Variants in MED1 observed in about 807,000 individuals in gnomAD.
The protein encoded by MED1 is mediator complex subunit 1.
In MED1, 17 loss-of-function variants were observed where a neutral mutation model predicts 121.3. The ratio of observed to expected loss-of-function variants is 0.14; its 90% CI spans 0.10 to 0.21. MED1 has a LOEUF of 0.21. Ranked by LOEUF, MED1 falls within the 10% of genes least tolerant of loss-of-function variation. The probability of loss-of-function intolerance (pLI) is 1.00; values close to 1 mark genes in which losing one functional copy is unlikely to be tolerated. For synonymous variants in MED1, 661 were observed against 694.4 expected, an observed-to-expected ratio of 0.95 and a Z score of 0.76; for missense variants, 1,558 against 1,919.4, an observed-to-expected ratio of 0.81 and a Z score of 3.52.
chr17:39,438,194 T>C (rs2048637994), intron 6 of MED1, among the ~76,000 whole-genome samples: 3 of 150,632 alleles, frequency 2.0e-5, no homozygotes, highest in Non-Finnish European at 4.4e-5. Flanking sequence ...TTTTCTGAGA[T>C]GGAGTCTTGC....
Position 39,407,633 on chromosome 17 carries a change from G to T in MED1, c.4588C>A (p.Pro1530Thr). 1 of 1,614,058 alleles carries T rather than the reference G, an allele frequency of 6.2e-7. No individual in the cohort carries two copies. ...ATGGGTGATTTGGACCAACTCTCTG[G>T]CTTGATGCTATGAGATTTTTTCTTG... ...RDKKKSHSIK[P>T]ESWSKSPISS... Residue 1530 changes from proline (P) to threonine (T), a missense_variant, in exon 17 of 17, where the codon CCA becomes ACA. Around this residue, in one of 5 missense-constraint regions of MED1, gnomAD observed 264 missense variants for 326.1 expected, o/e 0.81. Coordinates refer to ENST00000300651, the MANE Select transcript of MED1 (RefSeq NM_004774.4).
intron 13 of MED1, among the ~76,000 whole-genome samples, chr17:39,420,466 G>C (rs2048451802): frequency 1.3e-5 from 2 of 152,032 alleles, no homozygotes; most frequent in Non-Finnish European, 2.9e-5. Flanking sequence ...CTCCCAAAGT[G>C]CTGGGATTAC....
chr17:39,446,055 G>T (rs913648930), intron 2 of MED1, among the ~76,000 whole-genome samples: 4 of 149,474 alleles, frequency 2.7e-5, no homozygotes, highest in African/African-American at 9.8e-5. Flanking sequence ...AAATGAATCC[G>T]CCAGGCACGG....
chr17:39,408,774 A>C lies in MED1; in HGVS notation c.3447T>G (p.Ser1149=). The C allele has an allele frequency of 6.2e-7, 1 of 1,614,138 alleles. No individual in the cohort carries two copies. The highest frequency in any genetic ancestry group is 8.5e-7 in the Non-Finnish European group (1 of 1,180,004). The change falls in exon 17 of 17, where the codon TCT becomes TCG. Residue 1149 remains serine, a synonymous_variant. Coordinates refer to ENST00000300651, the MANE Select transcript of MED1 (RefSeq NM_004774.4). The surrounding 1 kb of genome is among the most constrained non-coding windows in gnomAD (Gnocchi z 4.7). The part of the protein sequence containing the change: ...GSSQSKNSSQ[S]GGKPGSSPIT... ...TGGGAGAGGAGCCTGGCTTCCCCCC[A>C]GACTGGGATGAATTTTTGGACTGGC...
At chr17:39,412,191 G>A (rs147206044) in intron 16 of MED1, among the ~76,000 whole-genome samples, 169 of 149,230 alleles carry the variant, frequency 1.1e-3, no homozygotes, top group African/African-American at 3.6e-3. Flanking sequence ...GTTTGCAAAC[G>A]TTTTGCTCTA....
intron 13 of MED1, among the ~76,000 whole-genome samples, chr17:39,422,479 T>G (rs927613899): frequency 2.8e-5 from 4 of 143,934 alleles, no homozygotes; most frequent in East Asian, 2.0e-4. Flanking sequence ...GTTTTTTTTT[T>G]TTTTTTTTTT....
chr17:39,442,559 T>C (rs747793103), intron 3 of MED1, among the ~76,000 whole-genome samples: 6 of 132,024 alleles, frequency 4.5e-5, no homozygotes, highest in Non-Finnish European at 9.2e-5. Context: ...ATTGTGCCAC[T>C]GCACTCCAGC....
At chr17:39,435,718 CAG>C (rs1395097594) in intron 6 of MED1, among the ~76,000 whole-genome samples, 4 of 151,882 alleles carry the variant, frequency 2.6e-5, no homozygotes, top group South Asian at 2.1e-4. Flanking sequence ...TTTTTTGAGA[CAG>C]AGTCTCACTC....
intron 6 of MED1, 68 bp from the exon 7 acceptor site, chr17:39,434,388 A>C: frequency 1.3e-6 from 1 of 793,692 alleles, no homozygotes; most frequent in South Asian, 1.8e-5. Flanking sequence ...TCAATCTTAC[A>C]ACAAAGTGCC....
chr17:39,442,996 CTTT>C (rs754729976), intron 3 of MED1, among the ~76,000 whole-genome samples: 1 of 82,882 alleles, frequency 1.2e-5, no homozygotes, highest in Non-Finnish European at 2.2e-5. Flanking sequence ...TCCCAGGTAT[CTTT>C]TTTTTTTTTT....
At chr17:39,447,926 G>GTT (rs1454026846) in intron 1 of MED1, 22 bp from the exon 2 acceptor site, 3 of 1,505,852 alleles carry the variant, frequency 2.0e-6, no homozygotes, top group Non-Finnish European at 2.8e-6. Context: ...ATCAGAAAAC[G>GTT]TTATCAGTAA....
In MED1 at chr17:39,407,057, T is replaced by C; in HGVS notation, c.*418A>G. The C allele has an allele frequency of 3.0e-6, 3 of 989,714 alleles. No individual in the cohort carries two copies. The highest frequency in any genetic ancestry group is 3.6e-6 in the Non-Finnish European group (3 of 832,572). 61.3% of individuals were successfully genotyped at this position (989,714 alleles called of 1,614,324 possible). ...CATGCAAATGCATCAAGGAATGTAT[T>C]GCTTTTTCATTTTCTGCCCAGCCCT... is the stretch of plus-strand genomic sequence containing the variant. On this transcript the variant is annotated 3_prime_UTR_variant, in exon 17 of 17. Transcript: ENST00000300651.
In MED1 at chr17:39,406,531, A is replaced by T. The variant is rs887953455; in HGVS notation, c.*944T>A. 135 of 984,206 alleles carry T rather than the reference A, an allele frequency of 1.4e-4. No homozygotes were observed. Among genetic ancestry groups the T allele is most frequent in the Non-Finnish European group, 1.5e-4 (121 of 829,734 alleles). 61.0% of individuals were successfully genotyped at this position (984,206 alleles called of 1,614,324 possible). ...ACTAAACCTTACTGCATCTGAAAAC[A>T]TGTTTACATCCCAACAAGCCACCTT... On this transcript the variant is annotated 3_prime_UTR_variant, in exon 17 of 17. Coordinates refer to ENST00000300651, the MANE Select transcript of MED1 (RefSeq NM_004774.4).
intron 6 of MED1, among the ~76,000 whole-genome samples, chr17:39,436,734 T>A (rs943247907): frequency 6.6e-6 from 1 of 152,136 alleles, no homozygotes; most frequent in Non-Finnish European, 1.5e-5. Context: ...ACTGATTCAA[T>A]GATTACCTTC....
Position 39,423,680 on chromosome 17 carries a change from T to A in MED1, c.976+17A>T, listed in dbSNP as rs763360691. 1.2e-6 allele frequency: 2 copies of A among 1,613,872 alleles called. No individual in the cohort carries two copies. Among genetic ancestry groups the A allele is most frequent in the Non-Finnish European group, 1.7e-6 (2 of 1,179,948 alleles). On this transcript the variant is annotated intron_variant, in intron 12 of 16. Transcript: ENST00000300651. ...CACATTTATAACAAGTACTAGATCC[T>A]GATGCTCAAAACTCACCTGTGCAGT...
At chr17:39,441,647 A>G (rs2048675722) in intron 3 of MED1, among the ~76,000 whole-genome samples, 1 of 152,038 alleles carries the variant, frequency 6.6e-6, no homozygotes, top group Admixed American at 6.6e-5. Flanking sequence ...GTGCGCGCCT[A>G]TAATCCCACC....
intron 14 of MED1, among the ~76,000 whole-genome samples, chr17:39,419,321 C>G (rs1368143251): frequency 1.3e-5 from 2 of 152,064 alleles, no homozygotes; most frequent in Non-Finnish European, 2.9e-5. Flanking sequence ...AGTGATTTGC[C>G]CACCTTGGCC....
Position 39,410,048 on chromosome 17 carries a change from C to A in MED1, c.2173G>T (p.Asp725Tyr), listed in dbSNP as rs747957721. ...AGCGTGTCAGCTGTCATGTTGACAT[C>A]AAAGATAGGGTTCTGTGAGTCAACA... The part of the protein sequence containing the change: ...MDVDSQNPIF[D>Y]VNMTADTLDT... The change falls in exon 17 of 17, where the codon GAT (aspartate) becomes TAT (tyrosine). Residue 725 changes from aspartate (D) to tyrosine (Y), a missense_variant. Transcript: ENST00000300651. 2.5e-6 allele frequency: 4 copies of A among 1,613,964 alleles called. No individual in the cohort carries two copies. The highest frequency in any genetic ancestry group is 3.4e-6 in the Non-Finnish European group (4 of 1,180,012).
At chr17:39,446,089 C>T (rs2048724209) in intron 2 of MED1, among the ~76,000 whole-genome samples, 1 of 151,302 alleles carries the variant, frequency 6.6e-6, no homozygotes, top group South Asian at 2.1e-4. Context: ...AATCCTAACA[C>T]TTTGGGAGGC....
Sources: gnomAD v4.1 joint callset for allele counts (sites outside exome capture counted in the v4.1 genomes callset) on GRCh38, gnomAD v4.1.1 for gene constraint, gnomAD v4.1.1 regional missense constraint, Gnocchi (gnomAD v3.1) non-coding constraint, MANE v1.5 for transcripts, NCBI Gene and HGNC (gene_info 2026-07-23, HGNC 2026-07-21) for gene names.